Variants in CADM2 observed in about 807,000 individuals in gnomAD.
CADM2 encodes immunoglobulin superfamily member 4D.
Under a neutral mutation model 49.8 loss-of-function variants are expected in CADM2, and 12 were observed. That is an observed-to-expected ratio of 0.24 (90% CI 0.15 to 0.39). CADM2 has a LOEUF of 0.39. CADM2 is among the 10% of genes least tolerant of loss of function. The pLI is 1.00. For missense variants in CADM2, 378 were observed against 492.3 expected, an observed-to-expected ratio of 0.77 and a Z score of 2.20; for synonymous variants, 214 against 175.4, an observed-to-expected ratio of 1.22 and a Z score of -1.74.
rs1336615673 is a variant in CADM2 at position 86,071,877 on chromosome 3, C to T, written c.*5094C>T. 1 of 151,804 alleles carries T rather than the reference C, an allele frequency of 6.6e-6. No individual in the cohort carries two copies. The highest frequency in any genetic ancestry group is 1.9e-4 in the East Asian group (1 of 5,200). 9.4% of individuals were successfully genotyped at this position (151,804 alleles called of 1,614,324 possible). ...AAATAATTAAAATGGCAACACTTTG[C>T]GATCCAATCTGATATTTAATTTTTA... On this transcript the variant is annotated 3_prime_UTR_variant, in exon 10 of 10. Coordinates refer to ENST00000383699, the MANE Select transcript of CADM2 (RefSeq NM_001167675.2).
chr3:85,693,313 G>C (rs879321801), intron 1 of CADM2, among the ~76,000 whole-genome samples: 37 of 152,030 alleles, frequency 2.4e-4, no homozygotes, highest in Non-Finnish European at 4.0e-4. Flanking sequence ...TGGCGTGGTG[G>C]CTCACGCCTG....
chr3:85,407,754 A>T (rs1456812059), intron 1 of CADM2, among the ~76,000 whole-genome samples: 1 of 152,090 alleles, frequency 6.6e-6, no homozygotes, highest in Non-Finnish European at 1.5e-5. Context: ...AGGCTGACTT[A>T]GGAAGATTGC....
intron 5 of CADM2, among the ~76,000 whole-genome samples, chr3:85,889,065 T>C (rs1714063744): frequency 2.0e-5 from 3 of 152,210 alleles, no homozygotes; most frequent in Admixed American, 6.5e-5. Flanking sequence ...CACAGTATTC[T>C]ATGGTGCATT....
At chr3:85,070,366 T>A (rs2036682565) in intron 1 of CADM2, among the ~76,000 whole-genome samples, 1 of 152,184 alleles carries the variant, frequency 6.6e-6, no homozygotes, top group Non-Finnish European at 1.5e-5. Flanking sequence ...GAAGCATAGC[T>A]ATACTTCATA....
chr3:85,193,076 G>T (rs188976948), intron 1 of CADM2, among the ~76,000 whole-genome samples: 7 of 152,128 alleles, frequency 4.6e-5, no homozygotes, highest in Admixed American at 2.6e-4. Flanking sequence ...AATCACAATG[G>T]TATAAATAAA....
Position 85,255,977 on chromosome 3 carries a change from C to T in CADM2, c.61+296309C>T, listed in dbSNP as rs114351558. On this transcript the variant is annotated intron_variant, in intron 1 of 9. Coordinates refer to ENST00000383699, the MANE Select transcript of CADM2 (RefSeq NM_001167675.2). ...TAACATTTTTTTTTCCTGAATTGCA[C>T]GAGCCTGTTATGTGAAAGCACCTAG... Among the ~76,000 whole-genome samples the T allele has an allele frequency of 3.7e-4, 56 of 151,950 alleles. 1 individual carries two copies. The highest frequency in any genetic ancestry group is 1.2e-3 in the African/African-American group (49 of 41,462).
chr3:85,301,651 T>C (rs1460994935), intron 1 of CADM2, among the ~76,000 whole-genome samples: 4 of 152,056 alleles, frequency 2.6e-5, no homozygotes, highest in African/African-American at 9.7e-5. Flanking sequence ...TTGCCTTTTA[T>C]AAAATTGTTC....
chr3:86,022,464 A>T (rs1295277620), intron 8 of CADM2, among the ~76,000 whole-genome samples: 1 of 152,144 alleles, frequency 6.6e-6, no homozygotes, highest in Non-Finnish European at 1.5e-5. Context: ...ACTTCTTGAG[A>T]ATGGATCAAT....
At chr3:85,640,745 C>T (rs1053593360) in intron 1 of CADM2, among the ~76,000 whole-genome samples, 5 of 152,022 alleles carry the variant, frequency 3.3e-5, no homozygotes, top group African/African-American at 1.2e-4. Flanking sequence ...TCTGTTAACA[C>T]CTTAAAGGAT....
chr3:85,425,545 T>TAA (rs1262082247), intron 1 of CADM2, among the ~76,000 whole-genome samples: 1 of 152,206 alleles, frequency 6.6e-6, no homozygotes, highest in African/African-American at 2.4e-5. Flanking sequence ...AAGTACACAA[T>TAA]AAATTATTTT....
chr3:85,331,544 C>G (rs1319952346), intron 1 of CADM2, among the ~76,000 whole-genome samples: 5 of 151,184 alleles, frequency 3.3e-5, no homozygotes, highest in Non-Finnish European at 5.9e-5. Context: ...TTTAGATTGG[C>G]CTTTTTGAGA....
chr3:85,065,764 A>G lies in CADM2; in HGVS notation c.61+106096A>G, dbSNP rs114708429. Among the ~76,000 whole-genome samples, 289 of 152,286 alleles carry G rather than the reference A, an allele frequency of 1.9e-3. 2 individuals carry two copies. Among genetic ancestry groups the G allele is most frequent in the African/African-American group, 6.7e-3 (278 of 41,572 alleles). On this transcript the variant is annotated intron_variant, in intron 1 of 9. Transcript: ENST00000383699. ...TCATTCTGGGCATCTTCATAAAACA[A>G]TTATTTGCTTAGCAATCAATGTCAA...
At chr3:85,774,252 C>T (rs921013402) in intron 2 of CADM2, among the ~76,000 whole-genome samples, 7 of 151,842 alleles carry the variant, frequency 4.6e-5, no homozygotes, top group South Asian at 2.1e-4. Context: ...AAATAATATT[C>T]GGATGATTTC....
intron 1 of CADM2, among the ~76,000 whole-genome samples, chr3:84,962,924 G>C (rs2030676838): frequency 6.6e-6 from 1 of 152,068 alleles, no homozygotes; most frequent in Admixed American, 6.5e-5. Flanking sequence ...TTTCTGGCTT[G>C]TTAATATGTG....
intron 2 of CADM2, among the ~76,000 whole-genome samples, chr3:85,770,859 T>C (rs1367663401): frequency 6.6e-6 from 1 of 152,160 alleles, no homozygotes; most frequent in Admixed American, 6.6e-5. Flanking sequence ...AATCCAGACA[T>C]GATTTTCCAT....
chr3:85,949,643 T>A (rs1293203188), intron 7 of CADM2, among the ~76,000 whole-genome samples: 1 of 151,226 alleles, frequency 6.6e-6, no homozygotes, highest in Non-Finnish European at 1.5e-5. Flanking sequence ...ATCTTCAAGC[T>A]TTACTTATTC....
At chr3:85,818,250 G>C (rs2073339164) in intron 3 of CADM2, among the ~76,000 whole-genome samples, 1 of 152,112 alleles carries the variant, frequency 6.6e-6, no homozygotes, top group African/African-American at 2.4e-5. Context: ...TAATTTAAGA[G>C]ACAAGGAAGA....
chr3:84,972,162 G>T (rs987389655), intron 1 of CADM2, among the ~76,000 whole-genome samples: 1 of 152,210 alleles, frequency 6.6e-6, no homozygotes, highest in African/African-American at 2.4e-5. Context: ...TTCTCTTGTA[G>T]CTTAGTTTTT....
chr3:85,676,320 C>A (rs1377387865), intron 1 of CADM2, among the ~76,000 whole-genome samples: 1 of 152,128 alleles, frequency 6.6e-6, no homozygotes, highest in East Asian at 1.9e-4. Context: ...ATAGAAAACT[C>A]GAATTCCATT....
Sources: gnomAD v4.1 joint callset for allele counts (sites outside exome capture counted in the v4.1 genomes callset) on GRCh38, gnomAD v4.1.1 for gene constraint, MANE v1.5 for transcripts, NCBI Gene and HGNC (gene_info 2026-07-23, HGNC 2026-07-21) for gene names.